The following UBQLN4 variants were observed in gnomAD, a reference collection of about 807,000 sequenced individuals.
The protein encoded by UBQLN4 is ubiquilin-4.
In UBQLN4, 11 loss-of-function variants were observed where a neutral mutation model predicts 60.4. The ratio of observed to expected loss-of-function variants is 0.18; its 90% CI spans 0.11 to 0.30. The LOEUF is 0.30. UBQLN4 is among the 10% of genes least tolerant of loss of function. UBQLN4 has a pLI of 1.00. For synonymous variants in UBQLN4, 258 were observed against 313.1 expected (o/e 0.82, Z 1.86); for missense variants, 417 against 795.5 (o/e 0.52, Z 5.72).
intron 10 of UBQLN4, among the ~76,000 whole-genome samples, chr1:156,040,948 C>T (rs1376352235): frequency 1.3e-5 from 2 of 152,226 alleles, no homozygotes; most frequent in Non-Finnish European, 2.9e-5. Context: ...CTGGCCTTGA[C>T]TTTCCCAGGG....
At chr1:156,042,013 C>T (rs373993762) in intron 8 of UBQLN4, 26 bp from the exon 9 acceptor site, 3 of 1,613,620 alleles carry the variant, frequency 1.9e-6, no homozygotes, top group Non-Finnish European at 2.5e-6. Flanking sequence ...CAGAGAAAGG[C>T]ATCAAGAGGT....
chr1:156,042,498 A>AGTAAGTTCTGT, intron 7 of UBQLN4: 1 of 1,303,870 alleles, frequency 7.7e-7, no homozygotes, highest in Non-Finnish European at 1.0e-6. Context: ...AGGTATACAG[A>AGTAAGTTCTGT]ACTTACTCTG....
At chr1:156,034,718 G>C (rs560965889), downstream of UBQLN4, among the ~76,000 whole-genome samples, 1 of 150,224 alleles carries the variant, frequency 6.7e-6, no homozygotes, top group African/African-American at 2.4e-5. Flanking sequence ...AGTAGGGGAA[G>C]AGATCTCAGA....
rs1683580542 is a variant in UBQLN4 at position 156,042,006 on chromosome 1, A to C, written c.1351-19T>G. 2.5e-6 allele frequency: 4 copies of C among 1,613,868 alleles called. No homozygotes were observed. The highest frequency in any genetic ancestry group is 1.3e-5 in the African/African-American group (1 of 74,940). Reference sequence around the variant, plus strand: ...TCTGCATCTGGTGGGAAATAAGCAGAGAAAGGCATCAAGAGGTGGCAGGAA... The same window carrying C: ...TCTGCATCTGGTGGGAAATAAGCAGCGAAAGGCATCAAGAGGTGGCAGGAA... On this transcript the variant is annotated intron_variant, in intron 8 of 10. Coordinates refer to ENST00000368309, the MANE Select transcript of UBQLN4 (RefSeq NM_020131.5).
intron 7 of UBQLN4, 49 bp downstream of exon 7, chr1:156,042,725 C>G (rs1683600929): frequency 6.3e-6 from 10 of 1,597,008 alleles, no homozygotes; most frequent in Non-Finnish European, 8.5e-6. Flanking sequence ...TGCCCCCAAC[C>G]AAGAGGAACT....
downstream of UBQLN4, among the ~76,000 whole-genome samples, chr1:156,033,022 A>G (rs1683322104): frequency 6.6e-6 from 1 of 152,222 alleles, no homozygotes; most frequent in Non-Finnish European, 1.5e-5. Flanking sequence ...CCCGTACTCA[A>G]GAATCCGCCA....
chr1:156,053,097 G>T (rs1275246882), intron 1 of UBQLN4, among the ~76,000 whole-genome samples: 2 of 152,164 alleles, frequency 1.3e-5, no homozygotes, highest in Admixed American at 1.3e-4. Context: ...GTAAATCTCA[G>T]AAGAGCTGAG....
chr1:156,044,047 G>A lies in UBQLN4; in HGVS notation c.1077C>T (p.His359=). Residue 359 remains histidine, a synonymous_variant, in exon 6 of 11, where the codon CAC becomes CAT. Transcript: ENST00000368309. ...GTGGSGTSQV[H]PTVSNPFGIN... ...TCCCAAAGGGGTTCGAGACTGTCGGGTGCACCTGGCTGGTCCCCGATCCTC... is the reference window on the plus strand; with the variant it reads ...TCCCAAAGGGGTTCGAGACTGTCGGATGCACCTGGCTGGTCCCCGATCCTC... The A allele has an allele frequency of 1.2e-6, 2 of 1,608,322 alleles. No individual in the cohort carries two copies. Among genetic ancestry groups the A allele is most frequent in the Non-Finnish European group, 1.7e-6 (2 of 1,176,966 alleles).
chr1:156,052,512 C>A (rs980622911), intron 1 of UBQLN4, among the ~76,000 whole-genome samples: 1 of 152,060 alleles, frequency 6.6e-6, no homozygotes, highest in African/African-American at 2.4e-5. Flanking sequence ...TTAGTAGAGA[C>A]GGGGTTTCAC....
downstream of UBQLN4, chr1:156,033,189 G>T (rs1379485453): frequency 1.0e-6 from 1 of 984,796 alleles, no homozygotes; most frequent in East Asian, 1.1e-4. Context: ...CGACTCTGGA[G>T]CAAGGAGGAG....
rs964043562 is a variant in UBQLN4 at position 156,053,718 on chromosome 1, G to A, written c.-17C>T. 4.0e-6 allele frequency: 5 copies of A among 1,255,788 alleles called. No individual in the cohort carries two copies. Among genetic ancestry groups the A allele is most frequent in the Non-Finnish European group, 5.0e-6 (5 of 992,266 alleles). The allele number at this position is 1,255,788 out of a possible 1,614,324, so 77.8% of individuals were successfully genotyped here. A position where few individuals can be genotyped will look rare whatever the true frequency, so the allele number is the denominator to read the frequency against. On this transcript the variant is annotated 5_prime_UTR_variant, in exon 1 of 11. Coordinates refer to ENST00000368309, the MANE Select transcript of UBQLN4 (RefSeq NM_020131.5). Reference sequence around the variant, plus strand: ...CTCCGCCATGCCGCCGCCGCCACCCGGCCGCCCGCCAGCCCGCCCGGCTCC... The same window carrying A: ...CTCCGCCATGCCGCCGCCGCCACCCAGCCGCCCGCCAGCCCGCCCGGCTCC...
Position 156,050,167 on chromosome 1 carries a change from C to A in UBQLN4, c.741+124G>T. 3.1e-6 allele frequency: 4 copies of A among 1,305,832 alleles called. No individual in the cohort carries two copies. The highest frequency in any genetic ancestry group is 4.1e-6 in the Non-Finnish European group (4 of 978,844). 80.9% of individuals were successfully genotyped at this position (1,305,832 alleles called of 1,614,324 possible). ...CTAGGCCTGTCTTTTCATCCCTGTA[C>A]CTCCAGTGTTCAAAACTGCTGAATA... On this transcript the variant is annotated intron_variant, in intron 4 of 10. Coordinates refer to ENST00000368309, the MANE Select transcript of UBQLN4 (RefSeq NM_020131.5). This position sits in a 1 kb window ranked among gnomAD's most constrained non-coding sequence, Gnocchi z 4.6.
chr1:156,050,688 G>C lies in UBQLN4; in HGVS notation c.479-135C>G. The C allele has an allele frequency of 7.4e-7, 1 of 1,351,360 alleles. No individual in the cohort carries two copies. Among genetic ancestry groups the C allele is most frequent in the Non-Finnish European group, 9.8e-7 (1 of 1,017,494 alleles). The allele number at this position is 1,351,360 out of a possible 1,614,324, so 83.7% of individuals were successfully genotyped here. Reference sequence around the variant, plus strand: ...CCTCTTCCTGTCATTCCCACAGCCCGGCCCTGATCCACTGCTGGCAAAAAA... The same window carrying C: ...CCTCTTCCTGTCATTCCCACAGCCCCGCCCTGATCCACTGCTGGCAAAAAA... On this transcript the variant is annotated intron_variant, in intron 3 of 10. Transcript: ENST00000368309. This position sits in a 1 kb window ranked among gnomAD's most constrained non-coding sequence, Gnocchi z 4.6.
intron 1 of UBQLN4, 42 bp downstream of exon 1, chr1:156,053,552 C>A: frequency 9.1e-7 from 1 of 1,095,358 alleles, no homozygotes; most frequent in Non-Finnish European, 1.2e-6. Flanking sequence ...TCTTCGCAGA[C>A]CCCTCCTCCG....
At chr1:156,049,948 TC>T (rs1168870002) in intron 4 of UBQLN4, among the ~76,000 whole-genome samples, 1 of 152,234 alleles carries the variant, frequency 6.6e-6, no homozygotes, top group African/African-American at 2.4e-5. Flanking sequence ...TCCCCCTGGT[TC>T]GTCTTCCTCC....
rs532563198 is a variant in UBQLN4 at position 156,053,771 on chromosome 1, C to G, written c.-70G>C. ...CTCCTCCCCGCCCGCCCGGCCGGCC[C>G]GGCTCGGCTTCTGCGCCTCCAACAC... On this transcript the variant is annotated 5_prime_UTR_variant, in exon 1 of 11. Coordinates refer to ENST00000368309, the MANE Select transcript of UBQLN4 (RefSeq NM_020131.5). 7 of 1,038,318 alleles carry G rather than the reference C, an allele frequency of 6.7e-6. No individual in the cohort carries two copies. The highest frequency in any genetic ancestry group is 4.5e-5 in the Admixed American group (1 of 22,014). 64.3% of individuals were successfully genotyped at this position (1,038,318 alleles called of 1,614,324 possible).
chr1:156,048,745 T>C lies in UBQLN4; in HGVS notation c.742-86A>G, dbSNP rs544134596. 1.4e-6 allele frequency: 2 copies of C among 1,466,588 alleles called. No homozygotes were observed. The highest frequency in any genetic ancestry group is 2.6e-5 in the South Asian group (2 of 77,878). The allele number at this position is 1,466,588 out of a possible 1,614,324, so 90.8% of individuals were successfully genotyped here. A position where few individuals can be genotyped will look rare whatever the true frequency, so the allele number is the denominator to read the frequency against. On this transcript the variant is annotated intron_variant, in intron 4 of 10. Transcript: ENST00000368309. The surrounding 1 kb of genome is among the most constrained non-coding windows in gnomAD (Gnocchi z 4.9). ...GGGTGGGCCTTGAGGAAGGGGGGTC[T>C]GTATCAGGATCAGGACCAGGGCCCA...
chr1:156,033,228 T>C (rs894111911), downstream of UBQLN4: 1 of 985,402 alleles, frequency 1.0e-6, no homozygotes, highest in Non-Finnish European at 1.2e-6. Context: ...AGCTGTGAGC[T>C]TCACTAATGG....
downstream of UBQLN4, among the ~76,000 whole-genome samples, chr1:156,032,309 GTCTT>G (rs1683310692): frequency 6.7e-6 from 1 of 149,030 alleles, no homozygotes; most frequent in South Asian, 2.2e-4. Context: ...GCCAAAATGA[GTCTT>G]TATTTAACCT....
Sources: gnomAD v4.1 joint callset for allele counts (sites outside exome capture counted in the v4.1 genomes callset) on GRCh38, gnomAD v4.1.1 for gene constraint, Gnocchi (gnomAD v3.1) non-coding constraint, MANE v1.5 for transcripts, NCBI Gene and HGNC (gene_info 2026-07-23, HGNC 2026-07-21) for gene names.